Variants in RGS9 observed in about 807,000 individuals in gnomAD.
The protein encoded by RGS9 is regulator of G protein signaling 9.
A neutral mutation model predicts 102.0 loss-of-function variants in RGS9; 78 were observed. The ratio of observed to expected loss-of-function variants is 0.76; its 90% CI spans 0.64 to 0.92. The LOEUF is 0.92. Ranked by LOEUF, RGS9 falls within the 40% of genes least tolerant of loss-of-function variation. The pLI is 0.00. For synonymous variants in RGS9, 353 were observed against 318.6 expected (o/e 1.11, Z -1.15); for missense variants, 833 against 866.1 (o/e 0.96, Z 0.48).
At chr17:65,218,938 A>T (rs1913605160) in intron 17 of RGS9, among the ~76,000 whole-genome samples, 1 of 152,214 alleles carries the variant, frequency 6.6e-6, no homozygotes, top group Non-Finnish European at 1.5e-5. Context: ...AATTAAACCA[A>T]ATGGTGTGAT....
At chr17:65,214,493 C>T (rs532536155) in intron 17 of RGS9, among the ~76,000 whole-genome samples, 26 of 152,246 alleles carry the variant, frequency 1.7e-4, no homozygotes, top group Admixed American at 5.2e-4. Flanking sequence ...AATTGTTTGG[C>T]TGGGGGATCA....
At chr17:65,223,852 G>A (rs962949086) in intron 17 of RGS9, among the ~76,000 whole-genome samples, 2 of 151,522 alleles carry the variant, frequency 1.3e-5, no homozygotes, top group African/African-American at 4.9e-5. Flanking sequence ...CCGGGTTCAA[G>A]TGATCCTCCT....
At chr17:65,137,691 C>T (rs1472637590) in intron 1 of RGS9, 94 bp downstream of exon 1, 2 of 1,132,658 alleles carry the variant, frequency 1.8e-6, no homozygotes, top group Non-Finnish European at 2.6e-6. Context: ...TGGAGAGCAC[C>T]CCTTTGGGTC....
chr17:65,166,957 C>T (rs1911208506), intron 7 of RGS9, among the ~76,000 whole-genome samples: 1 of 152,186 alleles, frequency 6.6e-6, no homozygotes, highest in Non-Finnish European at 1.5e-5. Context: ...AGTACGTTAA[C>T]GGGGAGATGA....
chr17:65,175,775 C>T (rs1911602844), intron 8 of RGS9, among the ~76,000 whole-genome samples: 1 of 152,098 alleles, frequency 6.6e-6, no homozygotes, highest in Non-Finnish European at 1.5e-5. Context: ...ATATTTGCCT[C>T]CATGGTAGCC....
chr17:65,179,251 G>A (rs1321124622), intron 9 of RGS9, among the ~76,000 whole-genome samples: 1 of 152,136 alleles, frequency 6.6e-6, no homozygotes, highest in Non-Finnish European at 1.5e-5. Flanking sequence ...GACAGTGTTT[G>A]CTTTTGCTCC....
At position 65,177,589 on chromosome 17, in the gene RGS9, C is replaced by T. The variant is rs146095839; in HGVS notation, c.583-143C>T. On this transcript the variant is annotated intron_variant, in intron 8 of 18. Coordinates refer to ENST00000262406, the MANE Select transcript of RGS9 (RefSeq NM_003835.4). ...CTCAACAGCTCACCTGGAGGGTTTACACCCACTCAAAGCTTCCCATGGGCT... is the reference window on the plus strand; with the variant it reads ...CTCAACAGCTCACCTGGAGGGTTTATACCCACTCAAAGCTTCCCATGGGCT... The T allele has an allele frequency of 8.2e-3, 6,837 of 830,590 alleles. 56 individuals carry two copies. The highest frequency in any genetic ancestry group is 0.011 in the Non-Finnish European group (5,178 of 469,430). The allele number at this position is 830,590 out of a possible 1,614,324, so 51.5% of individuals were successfully genotyped here.
intron 1 of RGS9, 129 bp from the exon 2 acceptor site, chr17:65,153,293 C>T (rs1268078772): frequency 7.4e-6 from 6 of 809,938 alleles, no homozygotes; most frequent in South Asian, 4.0e-5. Context: ...CCACCTGGCT[C>T]CTGTACCAGA....
intron 12 of RGS9, among the ~76,000 whole-genome samples, chr17:65,194,019 G>A (rs967269529): frequency 5.9e-5 from 9 of 152,094 alleles, no homozygotes; most frequent in Admixed American, 3.3e-4. Flanking sequence ...TACTCGATTC[G>A]AGCAAGTTTC....
At chr17:65,200,200 T>A (rs1443880167) in intron 13 of RGS9, among the ~76,000 whole-genome samples, 1 of 152,014 alleles carries the variant, frequency 6.6e-6, no homozygotes, top group African/African-American at 2.4e-5. Flanking sequence ...GCCGGCTAAT[T>A]TTTGTATTTT....
rs578087390 is a variant in RGS9 at position 65,165,132 on chromosome 17, G to T, written c.500+2043G>T. 3.9e-4 allele frequency among the ~76,000 whole-genome samples: 59 copies of T among 152,206 alleles called. No homozygotes were observed. In the South Asian group the frequency reaches 6.2e-3, roughly 16 times the overall value. On this transcript the variant is annotated intron_variant, in intron 7 of 18. Coordinates refer to ENST00000262406, the MANE Select transcript of RGS9 (RefSeq NM_003835.4). ...CCTCCATCCCTTCTTCCTCCTGTCT[G>T]CTCTGAGCAGGACTATCCCAGCAAC...
chr17:65,178,658 C>T (rs369144849), intron 9 of RGS9, among the ~76,000 whole-genome samples: 12 of 152,092 alleles, frequency 7.9e-5, no homozygotes, highest in East Asian at 7.7e-4. Flanking sequence ...CACATGCCAC[C>T]GTGCTTGGCT....
At chr17:65,171,426 A>G (rs1911416870) in intron 8 of RGS9, among the ~76,000 whole-genome samples, 1 of 152,154 alleles carries the variant, frequency 6.6e-6, no homozygotes, top group Admixed American at 6.5e-5. Context: ...TGGGAGAGGA[A>G]GCCACATCTT....
chr17:65,140,410 C>G lies in RGS9; in HGVS notation c.57+2813C>G, dbSNP rs1023775845. ...AAGCTAGTGGGTTTGGGGCCATGTTCTGTAATGGATGGATTTTGAAGTGCA... is the reference window on the plus strand; with the variant it reads ...AAGCTAGTGGGTTTGGGGCCATGTTGTGTAATGGATGGATTTTGAAGTGCA... On this transcript the variant is annotated intron_variant, in intron 1 of 18. Coordinates refer to ENST00000262406, the MANE Select transcript of RGS9 (RefSeq NM_003835.4). Among the ~76,000 whole-genome samples the G allele has an allele frequency of 9.9e-5, 15 of 152,088 alleles. 1 individual carries two copies. Among genetic ancestry groups the G allele is most frequent in the Admixed American group, 8.5e-4 (13 of 15,266 alleles).
chr17:65,224,964 C>A (rs530919784), intron 17 of RGS9, 38 bp from the exon 18 acceptor site: 1 of 1,611,328 alleles, frequency 6.2e-7, no homozygotes, highest in South Asian at 1.1e-5. Flanking sequence ...TGGGGCCATG[C>A]AACTCACCAC....
chr17:65,154,901 T>G (rs1910711959), intron 2 of RGS9, among the ~76,000 whole-genome samples: 3 of 152,202 alleles, frequency 2.0e-5, no homozygotes, highest in African/African-American at 7.2e-5. Context: ...CTATTTATTT[T>G]TCACTCAAGG....
chr17:65,193,271 G>T (rs898888301), intron 11 of RGS9, among the ~76,000 whole-genome samples: 6 of 136,310 alleles, frequency 4.4e-5, no homozygotes, highest in Non-Finnish European at 7.7e-5. Flanking sequence ...AAAAAAAAAA[G>T]AAAAAAAAGA....
At chr17:65,142,887 T>A (rs1278070468) in intron 1 of RGS9, among the ~76,000 whole-genome samples, 3 of 152,078 alleles carry the variant, frequency 2.0e-5, no homozygotes, top group Non-Finnish European at 4.4e-5. Context: ...TGGCCTGGTT[T>A]TCTTTTTGTT....
intron 7 of RGS9, among the ~76,000 whole-genome samples, chr17:65,167,496 C>T (rs900095296): frequency 4.6e-5 from 7 of 152,110 alleles, no homozygotes; most frequent in African/African-American, 9.7e-5. Flanking sequence ...GCCACTGCGC[C>T]GGGCCATAAA....
Sources: gnomAD v4.1 joint callset for allele counts (sites outside exome capture counted in the v4.1 genomes callset) on GRCh38, gnomAD v4.1.1 for gene constraint, MANE v1.5 for transcripts, NCBI Gene and HGNC (gene_info 2026-07-23, HGNC 2026-07-21) for gene names.